The following LARGE1 variants were observed in gnomAD, a reference collection of about 807,000 sequenced individuals.
LARGE1 encodes the protein xylosyl- and glucuronyltransferase LARGE1.
In LARGE1, 43 loss-of-function variants were observed where a neutral mutation model predicts 87.6. The observed-to-expected ratio is 0.49, with a 90% CI of 0.38 to 0.63. The LOEUF is 0.63. Ranked by LOEUF, LARGE1 falls within the 30% of genes least tolerant of loss-of-function variation. LARGE1 has a pLI of 0.00. For synonymous variants in LARGE1, 434 were observed against 394.6 expected, an observed-to-expected ratio of 1.10 and a Z score of -1.18; for missense variants, 802 against 1,000.2, an observed-to-expected ratio of 0.80 and a Z score of 2.67.
At chr22:33,359,231 G>C (rs577873211) in intron 9 of LARGE1, among the ~76,000 whole-genome samples, 1 of 152,236 alleles carries the variant, frequency 6.6e-6, no homozygotes, top group African/African-American at 2.4e-5. Flanking sequence ...TGTATCAGAG[G>C]AAAATGCTGC....
chr22:33,580,684 C>T (rs1010931555), intron 5 of LARGE1, among the ~76,000 whole-genome samples: 1 of 152,128 alleles, frequency 6.6e-6, no homozygotes, highest in East Asian at 1.9e-4. Flanking sequence ...CTCTGGGACA[C>T]AATGTACAAT....
chr22:33,788,724 T>C (rs2085729206), intron 1 of LARGE1, among the ~76,000 whole-genome samples: 1 of 152,152 alleles, frequency 6.6e-6, no homozygotes, highest in Non-Finnish European at 1.5e-5. Flanking sequence ...CCCTAGAGAT[T>C]TGTAGAAACT....
At chr22:33,260,389 T>C (rs567806970) in intron 11 of LARGE1, among the ~76,000 whole-genome samples, 1 of 152,356 alleles carries the variant, frequency 6.6e-6, no homozygotes, top group East Asian at 1.9e-4. Context: ...TTGAAAGCTC[T>C]CTGGCCTCCC....
At chr22:33,537,076 G>C (rs552295483) in intron 6 of LARGE1, among the ~76,000 whole-genome samples, 1 of 152,236 alleles carries the variant, frequency 6.6e-6, no homozygotes, top group South Asian at 2.1e-4. Context: ...CTCCCAAAGG[G>C]CTGGGATTAC....
chr22:33,627,211 T>C (rs573043356), intron 3 of LARGE1, among the ~76,000 whole-genome samples: 1 of 152,336 alleles, frequency 6.6e-6, no homozygotes, highest in South Asian at 2.1e-4. Context: ...CTCAGGCAAC[T>C]TTTCTATTTT....
In LARGE1 at chr22:33,466,728, T is replaced by TAC. The variant is rs2068634498; in HGVS notation, c.788-34465_788-34464dup. Among the ~76,000 whole-genome samples, 37 of 105,762 alleles carry TAC rather than the reference T, an allele frequency of 3.5e-4. 2 individuals are homozygous for TAC. In the South Asian group the frequency reaches 0.011, roughly 33 times the overall value. The allele number at this position is 105,762 out of a possible 152,430, so 69.4% of individuals were successfully genotyped here. A position where few individuals can be genotyped will look rare whatever the true frequency, so the allele number is the denominator to read the frequency against. ...CACACACACACATACACACACACAC[T>TAC]ACACACACACACCTTAAGAGTTTGT... is the stretch of plus-strand genomic sequence containing the variant. On this transcript the variant is annotated intron_variant, in intron 6 of 14. Coordinates refer to ENST00000397394, the MANE Select transcript of LARGE1 (RefSeq NM_133642.5).
At chr22:33,781,925 C>A (rs1254334484) in intron 1 of LARGE1, among the ~76,000 whole-genome samples, 3 of 151,954 alleles carry the variant, frequency 2.0e-5, no homozygotes, top group African/African-American at 7.3e-5. Context: ...AAAAGAAAAT[C>A]AATGTGTGTG....
At chr22:33,280,815 A>G (rs1444501297) in intron 13 of LARGE1, among the ~76,000 whole-genome samples, 1 of 152,240 alleles carries the variant, frequency 6.6e-6, no homozygotes, top group East Asian at 1.9e-4. Context: ...TGCTTTAAGC[A>G]GTGGTTCTCA....
chr22:33,428,089 G>T (rs1317324017), intron 7 of LARGE1, among the ~76,000 whole-genome samples: 1 of 152,092 alleles, frequency 6.6e-6, no homozygotes, highest in Non-Finnish European at 1.5e-5. Context: ...ATACTTACTC[G>T]TTCTTTCTGA....
chr22:33,576,327 G>A (rs891613402), intron 5 of LARGE1, among the ~76,000 whole-genome samples: 6 of 152,300 alleles, frequency 3.9e-5, no homozygotes, highest in Admixed American at 1.3e-4. Flanking sequence ...ACACTTCAGC[G>A]ACTTCTAAGT....
At chr22:33,542,950 T>C (rs1040912682) in intron 6 of LARGE1, among the ~76,000 whole-genome samples, 1 of 152,198 alleles carries the variant, frequency 6.6e-6, no homozygotes, top group Non-Finnish European at 1.5e-5. Flanking sequence ...TAGAACCTTC[T>C]TGACCTTTGC....
intron 2 of LARGE1, among the ~76,000 whole-genome samples, chr22:33,683,238 G>C (rs575155895): frequency 6.6e-6 from 1 of 152,188 alleles, no homozygotes; most frequent in Non-Finnish European, 1.5e-5. Flanking sequence ...CCTCCCTAAC[G>C]GGGAGGGGCT....
At chr22:33,453,346 C>G (rs1280348271) in intron 6 of LARGE1, among the ~76,000 whole-genome samples, 1 of 151,562 alleles carries the variant, frequency 6.6e-6, no homozygotes, top group African/African-American at 2.4e-5. Context: ...ACCTGGGAGG[C>G]ACAGGTTGCA....
intron 11 of LARGE1, among the ~76,000 whole-genome samples, chr22:33,236,355 C>T (rs1926251520): frequency 6.6e-6 from 1 of 152,174 alleles, no homozygotes; most frequent in Non-Finnish European, 1.5e-5. Context: ...AGACAATCTG[C>T]TACAACTGTT....
intron 2 of LARGE1, among the ~76,000 whole-genome samples, chr22:33,712,249 G>A (rs927882917): frequency 6.6e-6 from 1 of 152,174 alleles, no homozygotes; most frequent in African/African-American, 2.4e-5. Context: ...ACCCGGACAG[G>A]GAAGCTGGAG....
At chr22:33,769,521 A>C (rs1195338832) in intron 1 of LARGE1, among the ~76,000 whole-genome samples, 1 of 152,196 alleles carries the variant, frequency 6.6e-6, no homozygotes, top group East Asian at 1.9e-4. Context: ...GACTATCTCC[A>C]TCACGGCAGC....
At chr22:33,688,319 G>A (rs1291036362) in intron 2 of LARGE1, among the ~76,000 whole-genome samples, 1 of 152,160 alleles carries the variant, frequency 6.6e-6, no homozygotes, top group Non-Finnish European at 1.5e-5. Context: ...AGCTCAGAGT[G>A]TCAGAGTCCA....
chr22:33,424,740 G>A (rs777108782), intron 7 of LARGE1, among the ~76,000 whole-genome samples: 5 of 152,056 alleles, frequency 3.3e-5, no homozygotes, highest in African/African-American at 4.8e-5. Flanking sequence ...TGAGAGGATC[G>A]CTTGAGCCTG....
intron 2 of LARGE1, among the ~76,000 whole-genome samples, chr22:33,731,441 A>G (rs1324868570): frequency 6.6e-6 from 1 of 152,172 alleles, no homozygotes; most frequent in Non-Finnish European, 1.5e-5. Context: ...AAATTCAGGA[A>G]AGGGAATGGC....
Sources: gnomAD v4.1 joint callset for allele counts (sites outside exome capture counted in the v4.1 genomes callset) on GRCh38, gnomAD v4.1.1 for gene constraint, MANE v1.5 for transcripts, NCBI Gene and HGNC (gene_info 2026-07-23, HGNC 2026-07-21) for gene names.